Variants in XKR7 observed in about 807,000 individuals in gnomAD.
XKR7 encodes the protein XK related 7, also known as XK-related protein 7.
Under a neutral mutation model 42.2 loss-of-function variants are expected in XKR7, and 11 were observed. That is an observed-to-expected ratio of 0.26 (90% CI 0.16 to 0.43). XKR7 has a LOEUF of 0.43. XKR7 is among the 20% of genes least tolerant of loss of function. The pLI, the probability that XKR7 is intolerant of heterozygous loss-of-function variation, is 1.00. For synonymous variants in XKR7, 346 were observed against 366.4 expected, an observed-to-expected ratio of 0.94 and a Z score of 0.64; for missense variants, 710 against 802.2, an observed-to-expected ratio of 0.89 and a Z score of 1.39.
chr20:31,968,211 C>T lies in XKR7; in HGVS notation c.36C>T (p.Ala12=). The change falls in exon 1 of 3, where the codon GCC becomes GCT. Residue 12 remains alanine (A), a synonymous_variant. Coordinates refer to ENST00000562532, the MANE Select transcript of XKR7 (RefSeq NM_001011718.2). This position sits in a 1 kb window ranked among gnomAD's most constrained non-coding sequence, Gnocchi z 4.5. ...AAKSDGAAAS[A]SPDPEGAAGG... ...AGTCGGATGGAGCGGCGGCCTCGGC[C>T]AGCCCGGACCCGGAGGGGGCTGCCG... The T allele has an allele frequency of 8.6e-7, 1 of 1,168,522 alleles. No homozygotes were observed. The highest frequency in any genetic ancestry group is 1.1e-6 in the Non-Finnish European group (1 of 946,908). The allele number at this position is 1,168,522 out of a possible 1,614,324, so 72.4% of individuals were successfully genotyped here. A position where few individuals can be genotyped will look rare whatever the true frequency, so the allele number is the denominator to read the frequency against.
intron 1 of XKR7, among the ~76,000 whole-genome samples, chr20:31,987,646 A>G (rs2064549079): frequency 6.6e-6 from 1 of 152,186 alleles, no homozygotes; most frequent in South Asian, 2.1e-4. Flanking sequence ...AGACAGACAG[A>G]CCACCAAACA....
Position 31,995,107 on chromosome 20 carries a change from G to T in XKR7, c.624G>T (p.Trp208Cys), listed in dbSNP as rs1218518422. 1 of 1,557,296 alleles carries T rather than the reference G, an allele frequency of 6.4e-7. No individual in the cohort carries two copies. The highest frequency in any genetic ancestry group is 8.7e-7 in the Non-Finnish European group (1 of 1,151,590). Reference sequence around the variant, plus strand: ...TGTACCTGGGGCTGCAGAGCCGCTGGCGCGGGGAGCGGCTGCGGCGCCACT... The same window carrying T: ...TGTACCTGGGGCTGCAGAGCCGCTGTCGCGGGGAGCGGCTGCGGCGCCACT... ...RALYLGLQSR[W>C]RGERLRRHFY... The change falls in exon 2 of 3, where the codon TGG becomes TGT. Residue 208 changes from tryptophan to cysteine, a missense_variant. Transcript: ENST00000562532. This position sits in a 1 kb window ranked among gnomAD's most constrained non-coding sequence, Gnocchi z 4.1.
chr20:31,977,603 T>A (rs1209694378), intron 1 of XKR7, among the ~76,000 whole-genome samples: 3 of 152,232 alleles, frequency 2.0e-5, no homozygotes, highest in Non-Finnish European at 4.4e-5. Context: ...CAATGACTAT[T>A]ATTATTGGCC....
rs773028493 is a variant in XKR7 at position 31,996,515 on chromosome 20, C to G, written c.798C>G (p.Thr266=). 15 of 1,487,000 alleles carry G rather than the reference C, an allele frequency of 1.0e-5. No homozygotes were observed. Among genetic ancestry groups the G allele is most frequent in the Middle Eastern group, 1.8e-4 (1 of 5,406 alleles). The allele number at this position is 1,487,000 out of a possible 1,614,324, so 92.1% of individuals were successfully genotyped here. A position where few individuals can be genotyped will look rare whatever the true frequency, so the allele number is the denominator to read the frequency against. ...GCCCTGTCTCCACAGCCCTCTCCAC[C>G]TCCGCCTCCCTCGTGTCTCTGGCCT... ...GAPDLLPALS[T]SASLVSLAWT... The change falls in exon 3 of 3, where the codon ACC becomes ACG. Residue 266 remains threonine, a synonymous_variant. Coordinates refer to ENST00000562532, the MANE Select transcript of XKR7 (RefSeq NM_001011718.2).
rs577269659 is a variant in XKR7 at position 31,990,606 on chromosome 20, T to A, written c.585-4462T>A. Among the ~76,000 whole-genome samples the A allele has an allele frequency of 6.0e-4, 92 of 152,328 alleles. No homozygotes were observed. The Middle Eastern group carries it at 0.014, about 23-fold the overall frequency. On this transcript the variant is annotated intron_variant, in intron 1 of 2. Transcript: ENST00000562532. Reference sequence around the variant, plus strand: ...TTTTAAGACCTTTGTGGGCACCACATCTATCAAGCATATTAAAATGCAGCT... The same window carrying A: ...TTTTAAGACCTTTGTGGGCACCACAACTATCAAGCATATTAAAATGCAGCT...
At chr20:31,981,168 T>C (rs1191370297) in intron 1 of XKR7, among the ~76,000 whole-genome samples, 1 of 140,362 alleles carries the variant, frequency 7.1e-6, no homozygotes, top group Non-Finnish European at 1.5e-5. Context: ...AGTTTGAGAA[T>C]AGCCCCATCA....
In XKR7 at chr20:31,968,655, G is replaced by T; in HGVS notation, c.480G>T (p.Gln160His). 6.3e-7 allele frequency: 1 copy of T among 1,578,878 alleles called. No homozygotes were observed. ...TKEGSPEPGPQPAPSSASAYR... is the reference protein window; with the variant it reads ...TKEGSPEPGPHPAPSSASAYR... ...AAGGCAGCCCCGAGCCGGGTCCCCAGCCTGCGCCCTCCTCGGCCAGCGCCT... is the reference window on the plus strand; with the variant it reads ...AAGGCAGCCCCGAGCCGGGTCCCCATCCTGCGCCCTCCTCGGCCAGCGCCT... Residue 160 changes from glutamine to histidine, a missense_variant, in exon 1 of 3, where the codon CAG becomes CAT. Physicochemically the swap from Gln to His is conservative, Grantham distance 24 (BLOSUM62 0). Coordinates refer to ENST00000562532, the MANE Select transcript of XKR7 (RefSeq NM_001011718.2). This position sits in a 1 kb window ranked among gnomAD's most constrained non-coding sequence, Gnocchi z 4.5.
intron 1 of XKR7, among the ~76,000 whole-genome samples, chr20:31,976,636 C>T (rs534665598): frequency 5.9e-5 from 9 of 152,288 alleles, no homozygotes; most frequent in African/African-American, 1.4e-4. Context: ...CCACCTGCCT[C>T]GGCCTCCCAA....
chr20:31,993,184 G>C (rs1445175712), intron 1 of XKR7, among the ~76,000 whole-genome samples: 2 of 152,048 alleles, frequency 1.3e-5, no homozygotes, highest in African/African-American at 4.8e-5. Flanking sequence ...CCTCTGGTTT[G>C]CAGCAAAGAG....
Position 31,997,418 on chromosome 20 carries a change from G to T in XKR7, c.1701G>T (p.Gly567=). 4 of 1,599,070 alleles carry T rather than the reference G, an allele frequency of 2.5e-6. No homozygotes were observed. Among genetic ancestry groups the T allele is most frequent in the Non-Finnish European group, 3.4e-6 (4 of 1,179,742 alleles). Residue 567 remains glycine (G), a synonymous_variant, in exon 3 of 3, where the codon GGG becomes GGT. Transcript: ENST00000562532. The stretch of plus-strand genomic sequence containing the variant: ...CCCGGTTGCAGTACCGGAGTGTGGG[G>T]ACTTCCCAGGAGCTGCTGGAGTATG... ...ATPRLQYRSV[G]TSQELLEYET...
At chr20:31,989,236 C>T (rs879598853) in intron 1 of XKR7, among the ~76,000 whole-genome samples, 4 of 151,254 alleles carry the variant, frequency 2.6e-5, no homozygotes, top group Admixed American at 6.6e-5. Flanking sequence ...CAAGTGCAGA[C>T]GTCCTGAGCC....
At position 31,997,191 on chromosome 20, in the gene XKR7, C is replaced by T. The variant is rs779419531; in HGVS notation, c.1474C>T (p.Arg492Cys). Residue 492 changes from arginine to cysteine, a missense_variant, in exon 3 of 3, where the codon CGT becomes TGT. By Grantham distance (180) the Arg-to-Cys change is radical (BLOSUM62 -3). Coordinates refer to ENST00000562532, the MANE Select transcript of XKR7 (RefSeq NM_001011718.2). ...AERDGASAGE[R>C]AGTPTPPVFQ... is the part of the protein sequence containing the mutation. The stretch of plus-strand genomic sequence containing the variant: ...GCGGGATGGGGCCTCGGCGGGAGAG[C>T]GTGCAGGGACCCCCACCCCACCTGT... The T allele has an allele frequency of 3.5e-5, 56 of 1,609,708 alleles. No individual in the cohort carries two copies. The highest frequency in any genetic ancestry group is 6.7e-5 in the East Asian group (3 of 44,876).
intron 1 of XKR7, among the ~76,000 whole-genome samples, chr20:31,982,679 T>C (rs2064519022): frequency 1.3e-5 from 2 of 152,076 alleles, no homozygotes; most frequent in Admixed American, 6.5e-5. Context: ...ATTTGATGAG[T>C]GGTAGTTATT....
chr20:31,984,197 G>T, intron 1 of XKR7, among the ~76,000 whole-genome samples: 1 of 151,760 alleles, frequency 6.6e-6, no homozygotes, highest in East Asian at 1.9e-4. Context: ...GGACGTGGAG[G>T]TTGCAGTGAG....
rs11906278 is a variant in XKR7 at position 31,991,305 on chromosome 20, G to T, written c.585-3763G>T. Among the ~76,000 whole-genome samples the T allele has an allele frequency of 6.6e-3, 999 of 152,344 alleles. 13 individuals carry two copies. The highest frequency in any genetic ancestry group is 0.023 in the African/African-American group (938 of 41,578). On this transcript the variant is annotated intron_variant, in intron 1 of 2. Transcript: ENST00000562532. ...TTCCTAGTCAAAGCCAGAGCCATGG[G>T]AAGGGGAAGGGAATGTGGCGGCAGT... is the stretch of plus-strand genomic sequence containing the variant.
At chr20:31,988,000 A>C (rs6061074) in intron 1 of XKR7, among the ~76,000 whole-genome samples, 1 of 152,206 alleles carries the variant, frequency 6.6e-6, no homozygotes, top group Non-Finnish European at 1.5e-5. Flanking sequence ...CTAGCCCTGC[A>C]TTCAAGGGAC....
Position 31,968,859 on chromosome 20 carries a change from C to G in XKR7, c.584+100C>G. 1.4e-6 allele frequency: 2 copies of G among 1,409,192 alleles called. No homozygotes were observed. The highest frequency in any genetic ancestry group is 1.9e-6 in the Non-Finnish European group (2 of 1,079,102). 87.3% of individuals were successfully genotyped at this position (1,409,192 alleles called of 1,614,324 possible). On this transcript the variant is annotated intron_variant, in intron 1 of 2. Coordinates refer to ENST00000562532, the MANE Select transcript of XKR7 (RefSeq NM_001011718.2). This position sits in a 1 kb window ranked among gnomAD's most constrained non-coding sequence, Gnocchi z 4.5. ...TGATCTGACCTTTCCGGGCTACCCTCCTGTCCTGACCTCCCCCCCTCCCCA... is the reference window on the plus strand; with the variant it reads ...TGATCTGACCTTTCCGGGCTACCCTGCTGTCCTGACCTCCCCCCCTCCCCA...
intron 1 of XKR7, among the ~76,000 whole-genome samples, chr20:31,990,800 C>T (rs1030245169): frequency 6.6e-6 from 1 of 151,816 alleles, no homozygotes; most frequent in Admixed American, 6.6e-5. Context: ...AGGCTTCAAA[C>T]ATTTCCCTAG....
intron 1 of XKR7, among the ~76,000 whole-genome samples, chr20:31,986,835 CACAG>C (rs1014108235): frequency 2.1e-5 from 3 of 146,134 alleles, no homozygotes; most frequent in Non-Finnish European, 3.0e-5. Flanking sequence ...GCATCCAAGA[CACAG>C]ACAGACAGAC....
Sources: gnomAD v4.1 joint callset for allele counts (sites outside exome capture counted in the v4.1 genomes callset) on GRCh38, gnomAD v4.1.1 for gene constraint, Gnocchi (gnomAD v3.1) non-coding constraint, MANE v1.5 for transcripts, NCBI Gene and HGNC (gene_info 2026-07-23, HGNC 2026-07-21) for gene names.